PCGF5: variants seen among roughly 807,000 people sequenced by gnomAD.
The protein encoded by PCGF5 is polycomb group RING finger protein 5.
PCGF5 carries 9 observed loss-of-function variants against 44.3 expected under a neutral mutation model. That is an observed-to-expected ratio of 0.20 (90% CI 0.12 to 0.35). PCGF5 has a LOEUF of 0.35. PCGF5 is among the 10% of genes least tolerant of loss of function. The pLI, the probability that PCGF5 is intolerant of heterozygous loss-of-function variation, is 1.00. For missense variants in PCGF5, 146 were observed against 305.3 expected (o/e 0.48, Z 3.89); for synonymous variants, 95 against 102.5 (o/e 0.93, Z 0.44).
At chr10:91,158,832 C>A (rs745533721), upstream of PCGF5, among the ~76,000 whole-genome samples, 4 of 152,166 alleles carry the variant, frequency 2.6e-5, no homozygotes, top group Non-Finnish European at 5.9e-5. Flanking sequence ...ATTTGAATAT[C>A]TTTAACTCAA....
intron 8 of PCGF5, among the ~76,000 whole-genome samples, chr10:91,265,882 C>A (rs1449709364): frequency 6.6e-6 from 1 of 152,206 alleles, no homozygotes; most frequent in Admixed American, 6.6e-5. Flanking sequence ...CATTCTAACA[C>A]CAGCCACCAA....
intron 1 of PCGF5, among the ~76,000 whole-genome samples, chr10:91,175,950 A>G (rs1843699320): frequency 6.6e-6 from 1 of 152,168 alleles, no homozygotes; most frequent in African/African-American, 2.4e-5. Flanking sequence ...TGATCCTGTC[A>G]TTATGATGTT....
At chr10:91,243,273 C>G (rs1019972752) in intron 3 of PCGF5, among the ~76,000 whole-genome samples, 1 of 152,146 alleles carries the variant, frequency 6.6e-6, no homozygotes, top group African/African-American at 2.4e-5. Context: ...GGTCACATGA[C>G]AGCCACTAGG....
In PCGF5 at chr10:91,241,538, T is replaced by G. The variant is rs557530474; in HGVS notation, c.209+958T>G. Among the ~76,000 whole-genome samples, 3 of 152,296 alleles carry G rather than the reference T, an allele frequency of 2.0e-5. No homozygotes were observed. In the East Asian group the frequency reaches 5.8e-4, roughly 29 times the overall value. ...TATGTCCTCACCACTAGACCCATTT[T>G]CATTTCATTGTTCCCACCATAGCTC... is the stretch of plus-strand genomic sequence containing the variant. On this transcript the variant is annotated intron_variant, in intron 3 of 9. Transcript: ENST00000336126.
At chr10:91,260,781 A>C (rs1431378069) in intron 6 of PCGF5, among the ~76,000 whole-genome samples, 4 of 119,376 alleles carry the variant, frequency 3.4e-5, no homozygotes, top group Non-Finnish European at 4.8e-5. Context: ...GGACACAGGA[A>C]GGGGAACATC....
At chr10:91,249,410 T>G (rs577346298) in intron 5 of PCGF5, among the ~76,000 whole-genome samples, 5 of 65,706 alleles carry the variant, frequency 7.6e-5, no homozygotes, top group Admixed American at 7.3e-4. Context: ...TATATATATA[T>G]ATATATATAT....
chr10:91,244,249 T>G (rs753789084), intron 3 of PCGF5, among the ~76,000 whole-genome samples: 26 of 152,088 alleles, frequency 1.7e-4, no homozygotes, highest in Non-Finnish European at 3.2e-4. Flanking sequence ...AAAGTGAGAC[T>G]TAAGCGAAGA....
At chr10:91,177,241 G>A (rs1761522237) in intron 1 of PCGF5, among the ~76,000 whole-genome samples, 1 of 152,240 alleles carries the variant, frequency 6.6e-6, no homozygotes, top group Non-Finnish European at 1.5e-5. Flanking sequence ...AACAGCAAAT[G>A]TTGCTGCCTG....
At chr10:91,267,673 G>C (rs1267109768) in intron 8 of PCGF5, among the ~76,000 whole-genome samples, 2 of 152,064 alleles carry the variant, frequency 1.3e-5, no homozygotes, top group Non-Finnish European at 2.9e-5. Context: ...GATGAATTCT[G>C]ACAGTTGAGT....
chr10:91,168,107 A>G (rs1364794415), intron 1 of PCGF5, among the ~76,000 whole-genome samples: 1 of 152,202 alleles, frequency 6.6e-6, no homozygotes, highest in Non-Finnish European at 1.5e-5. Context: ...GTATGTGGCT[A>G]TGGACCATCT....
Position 91,248,491 on chromosome 10 carries a change from C to CGA in PCGF5, c.210-14_210-13insGA, listed in dbSNP as rs752967309. 6.2e-7 allele frequency: 1 copy of CGA among 1,605,762 alleles called. No homozygotes were observed. The highest frequency in any genetic ancestry group is 1.1e-5 in the South Asian group (1 of 90,796). The stretch of plus-strand genomic sequence containing the variant: ...TCTTCATTGTTAGTATTTTCTTTCT[C>CGA]CCCCCTTTCGAAGGTTGGACAATAC... On this transcript the variant is annotated splice_polypyrimidine_tract_variant and intron_variant, in intron 3 of 9. Coordinates refer to ENST00000336126, the MANE Select transcript of PCGF5 (RefSeq NM_032373.5).
intron 1 of PCGF5, among the ~76,000 whole-genome samples, chr10:91,182,803 C>T (rs919899460): frequency 2.0e-5 from 3 of 152,134 alleles, no homozygotes; most frequent in Non-Finnish European, 4.4e-5. Flanking sequence ...ATTTGAGATT[C>T]TGGTACATTG....
rs1845997174 is a variant in PCGF5 at position 91,264,336 on chromosome 10, C to T, written c.574-95C>T. On this transcript the variant is annotated intron_variant, in intron 7 of 9. Coordinates refer to ENST00000336126, the MANE Select transcript of PCGF5 (RefSeq NM_032373.5). ...AAAATAATGGATAATACTTTTGTTC[C>T]AACTATTTGAATATTTTTTGAAATT... The T allele has an allele frequency of 3.2e-6, 3 of 938,272 alleles. No individual in the cohort carries two copies. In the South Asian group the frequency reaches 5.1e-5, roughly 16 times the overall value. 58.1% of individuals were successfully genotyped at this position (938,272 alleles called of 1,614,324 possible).
At chr10:91,277,161 C>G (rs562806820) in intron 9 of PCGF5, among the ~76,000 whole-genome samples, 10 of 152,314 alleles carry the variant, frequency 6.6e-5, no homozygotes, top group African/African-American at 1.2e-4. Flanking sequence ...TAGTTCCATC[C>G]TGAGCTGAAT....
In PCGF5 at chr10:91,270,800, T is replaced by C. The variant is rs555790932; in HGVS notation, c.664-838T>C. Reference sequence around the variant, plus strand: ...TTAATTTTTTCCATTTTGAAAAGTATGCAATGTTGAATTCATATATGCATA... The same window carrying C: ...TTAATTTTTTCCATTTTGAAAAGTACGCAATGTTGAATTCATATATGCATA... On this transcript the variant is annotated intron_variant, in intron 8 of 9. Coordinates refer to ENST00000336126, the MANE Select transcript of PCGF5 (RefSeq NM_032373.5). Among the ~76,000 whole-genome samples, 3 of 152,316 alleles carry C rather than the reference T, an allele frequency of 2.0e-5. No homozygotes were observed. The South Asian group carries it at 6.2e-4, about 32-fold the overall frequency.
At chr10:91,255,527 C>G (rs1334926626) in intron 6 of PCGF5, among the ~76,000 whole-genome samples, 1 of 151,988 alleles carries the variant, frequency 6.6e-6, no homozygotes, top group Admixed American at 6.6e-5. Flanking sequence ...AAACACATAC[C>G]CAGATTCTTG....
At chr10:91,259,209 A>C (rs1274265728) in intron 6 of PCGF5, among the ~76,000 whole-genome samples, 1 of 152,132 alleles carries the variant, frequency 6.6e-6, no homozygotes, top group African/African-American at 2.4e-5. Context: ...GGCACAGAGA[A>C]GTTTGTTCTT....
At chr10:91,260,974 T>C (rs960881874) in intron 6 of PCGF5, among the ~76,000 whole-genome samples, 1 of 149,274 alleles carries the variant, frequency 6.7e-6, no homozygotes, top group African/African-American at 2.5e-5. Context: ...ATAATAATAA[T>C]AAAAGCTTAA....
chr10:91,164,066 A>G (rs1015877981), intron 1 of PCGF5, among the ~76,000 whole-genome samples: 6 of 152,232 alleles, frequency 3.9e-5, no homozygotes, highest in African/African-American at 1.4e-4. Context: ...AGGGCGGTGA[A>G]TGAATCATCG....
Sources: gnomAD v4.1 joint callset for allele counts (sites outside exome capture counted in the v4.1 genomes callset) on GRCh38, gnomAD v4.1.1 for gene constraint, MANE v1.5 for transcripts, NCBI Gene and HGNC (gene_info 2026-07-23, HGNC 2026-07-21) for gene names.